Variants in CDK14 observed in about 807,000 individuals in gnomAD.
The protein encoded by CDK14 is cyclin dependent kinase 14.
Under a neutral mutation model 60.7 loss-of-function variants are expected in CDK14, and 34 were observed. That is an observed-to-expected ratio of 0.56 (90% CI 0.43 to 0.75). The LOEUF (loss-of-function observed/expected upper bound fraction) is 0.75. CDK14 is among the 30% of genes least tolerant of loss of function. CDK14 has a pLI of 0.00. For missense variants in CDK14, 482 were observed against 564.1 expected (o/e 0.85, Z 1.47); for synonymous variants, 197 against 203.7 (o/e 0.97, Z 0.28).
At chr7:91,101,725 G>T (rs753612270) in intron 12 of CDK14, among the ~76,000 whole-genome samples, 6 of 151,946 alleles carry the variant, frequency 3.9e-5, no homozygotes, top group Non-Finnish European at 7.4e-5. Flanking sequence ...CACTGCACAG[G>T]GCTGAATCTT....
At chr7:90,651,243 A>T (rs540184688) in intron 2 of CDK14, among the ~76,000 whole-genome samples, 4 of 152,100 alleles carry the variant, frequency 2.6e-5, no homozygotes, top group Non-Finnish European at 5.9e-5. Context: ...TTCACTCATG[A>T]TTTGTCTAGC....
intron 10 of CDK14, among the ~76,000 whole-genome samples, chr7:91,044,002 A>G (rs1797164217): frequency 6.6e-6 from 1 of 152,170 alleles, no homozygotes; most frequent in African/African-American, 2.4e-5. Context: ...GATAAAGTGA[A>G]TATGCTTCAT....
intron 10 of CDK14, among the ~76,000 whole-genome samples, chr7:91,035,999 G>A (rs1021219685): frequency 6.6e-6 from 1 of 151,802 alleles, no homozygotes; most frequent in Non-Finnish European, 1.5e-5. Context: ...GCCTGCCACC[G>A]CACCCGGCTA....
chr7:91,078,802 A>C (rs1211894748), intron 11 of CDK14, among the ~76,000 whole-genome samples: 2 of 152,252 alleles, frequency 1.3e-5, no homozygotes, highest in Non-Finnish European at 2.9e-5. Context: ...AATCATTAAC[A>C]ATTGGTATAT....
chr7:90,790,920 T>C (rs1805805989), intron 5 of CDK14, among the ~76,000 whole-genome samples: 1 of 152,236 alleles, frequency 6.6e-6, no homozygotes, highest in Non-Finnish European at 1.5e-5. Context: ...AGGAATTTTG[T>C]ATGTCTGCTA....
At chr7:90,675,284 A>G (rs980569416) in intron 2 of CDK14, among the ~76,000 whole-genome samples, 1 of 151,974 alleles carries the variant, frequency 6.6e-6, no homozygotes, top group Admixed American at 6.6e-5. Flanking sequence ...TATTTGTTGT[A>G]GCAATATTAT....
intron 10 of CDK14, among the ~76,000 whole-genome samples, chr7:91,004,663 T>C (rs1795930542): frequency 6.6e-6 from 1 of 152,212 alleles, no homozygotes; most frequent in East Asian, 1.9e-4. Context: ...GGGGAAGTTT[T>C]GAAGTGAAGC....
chr7:90,640,694 T>C (rs1800304941), intron 2 of CDK14, among the ~76,000 whole-genome samples: 2 of 152,134 alleles, frequency 1.3e-5, no homozygotes, highest in Non-Finnish European at 2.9e-5. Flanking sequence ...TGTGGTTTGA[T>C]CTGTGAGATC....
At chr7:90,868,162 T>C (rs1791246711) in intron 6 of CDK14, among the ~76,000 whole-genome samples, 1 of 151,766 alleles carries the variant, frequency 6.6e-6, no homozygotes, top group Non-Finnish European at 1.5e-5. Flanking sequence ...TATATATGCA[T>C]TCACCCATAA....
intron 7 of CDK14, among the ~76,000 whole-genome samples, chr7:90,910,390 C>T (rs1792855385): frequency 6.6e-6 from 1 of 152,128 alleles, no homozygotes; most frequent in Admixed American, 6.6e-5. Flanking sequence ...AAACCATTAT[C>T]TGATGCATAT....
At chr7:90,701,731 A>T (rs1337273085) in intron 2 of CDK14, among the ~76,000 whole-genome samples, 1 of 152,196 alleles carries the variant, frequency 6.6e-6, no homozygotes, top group African/African-American at 2.4e-5. Flanking sequence ...AAATAGATTT[A>T]TTGGGAAGAG....
chr7:90,626,430 C>T (rs532935887), intron 2 of CDK14, among the ~76,000 whole-genome samples: 37 of 152,264 alleles, frequency 2.4e-4, no homozygotes, highest in African/African-American at 7.2e-4. Context: ...TGCCAAGCAC[C>T]TCTTTTTGTT....
chr7:90,706,050 A>G (rs1454717972), intron 2 of CDK14, among the ~76,000 whole-genome samples: 1 of 152,132 alleles, frequency 6.6e-6, no homozygotes, highest in Non-Finnish European at 1.5e-5. Context: ...GACCTAGTAG[A>G]TGTTAGTCTT....
intron 10 of CDK14, among the ~76,000 whole-genome samples, chr7:91,039,714 C>G (rs1404102186): frequency 1.3e-5 from 2 of 152,160 alleles, no homozygotes; most frequent in Non-Finnish European, 2.9e-5. Flanking sequence ...ATAATTTCCT[C>G]TTACTTGCAT....
intron 8 of CDK14, among the ~76,000 whole-genome samples, chr7:90,922,655 A>G (rs909360786): frequency 2.0e-5 from 3 of 152,314 alleles, no homozygotes; most frequent in Admixed American, 2.0e-4. Flanking sequence ...TTGAAACATC[A>G]GTTACCTTAA....
At chr7:90,671,273 T>C (rs1429123521) in intron 2 of CDK14, among the ~76,000 whole-genome samples, 1 of 151,834 alleles carries the variant, frequency 6.6e-6, no homozygotes, top group Admixed American at 6.6e-5. Context: ...CATAGATTCT[T>C]CCTCTCAGGA....
At chr7:91,096,768 C>T (rs1234445785) in intron 12 of CDK14, among the ~76,000 whole-genome samples, 1 of 151,998 alleles carries the variant, frequency 6.6e-6, no homozygotes, top group Non-Finnish European at 1.5e-5. Flanking sequence ...TATTTATTTC[C>T]ATCTGACACC....
chr7:91,069,911 A>G (rs886447684), intron 11 of CDK14, among the ~76,000 whole-genome samples: 1 of 152,132 alleles, frequency 6.6e-6, no homozygotes, highest in Admixed American at 6.5e-5. Flanking sequence ...ATCCTCCCAC[A>G]TTAGCCTCCT....
At chr7:90,785,945 T>C (rs1405085147) in intron 4 of CDK14, among the ~76,000 whole-genome samples, 1 of 152,206 alleles carries the variant, frequency 6.6e-6, no homozygotes, top group Admixed American at 6.5e-5. Flanking sequence ...GTTTGAAAGT[T>C]GGATCCCCTT....
Sources: allele counts gnomAD v4.1 joint callset (sites outside exome capture counted in the v4.1 genomes callset), GRCh38; gene constraint gnomAD v4.1.1; transcripts MANE v1.5; gene names NCBI Gene and HGNC (gene_info 2026-07-23, HGNC 2026-07-21).